ATP8A2: variants seen among roughly 807,000 people sequenced by gnomAD.
ATP8A2 encodes ATPase phospholipid transporting 8A2, also known as phospholipid-transporting ATPase IB.
ATP8A2 carries 100 observed loss-of-function variants against 165.6 expected under a neutral mutation model. That is an observed-to-expected ratio of 0.60 (90% CI 0.51 to 0.71). ATP8A2 has a LOEUF of 0.71. Among genes scored for constraint, ATP8A2 ranks in the 30% least tolerant of loss-of-function variants. The pLI, the probability that ATP8A2 is intolerant of heterozygous loss-of-function variation, is 0.00. For synonymous variants in ATP8A2, 543 were observed against 548.8 expected (o/e 0.99, Z 0.15); for missense variants, 1,227 against 1,479.5 (o/e 0.83, Z 2.80).
At chr13:25,605,902 A>G (rs61947468) in intron 24 of ATP8A2, among the ~76,000 whole-genome samples, 5,809 of 152,274 alleles carry the variant, frequency 0.038, 135 homozygotes, top group Non-Finnish European at 0.052. Flanking sequence ...GTCAAGAGAA[A>G]TATGCCTTCT....
intron 33 of ATP8A2, among the ~76,000 whole-genome samples, chr13:25,868,691 A>C (rs641730): frequency 2.0e-5 from 3 of 151,854 alleles, no homozygotes; most frequent in African/African-American, 7.3e-5. Flanking sequence ...TGCTGCACCT[A>C]TGACTGTTGT....
intron 3 of ATP8A2, among the ~76,000 whole-genome samples, 186 bp from the exon 4 acceptor site, chr13:25,530,376 G>T (rs1228515969): frequency 6.6e-6 from 1 of 152,152 alleles, no homozygotes; most frequent in Non-Finnish European, 1.5e-5. Flanking sequence ...CATAACCAAT[G>T]TTGGATAAAA....
intron 15 of ATP8A2, among the ~76,000 whole-genome samples, chr13:25,562,719 G>GT (rs1555298922): frequency 6.6e-6 from 1 of 152,070 alleles, no homozygotes; most frequent in Non-Finnish European, 1.5e-5. Context: ...TTGGGAGGAT[G>GT]CCTAACCTAT....
At chr13:25,961,311 T>C (rs1955653564) in intron 33 of ATP8A2, among the ~76,000 whole-genome samples, 1 of 152,140 alleles carries the variant, frequency 6.6e-6, no homozygotes, top group South Asian at 2.1e-4. Context: ...AACATCCTGT[T>C]CGGAAGGGGC....
At chr13:25,519,274 A>T (rs2037580961) in intron 2 of ATP8A2, among the ~76,000 whole-genome samples, 1 of 151,996 alleles carries the variant, frequency 6.6e-6, no homozygotes, top group South Asian at 2.1e-4. Context: ...GTTGAAAATA[A>T]TCCTCCTCCC....
chr13:25,793,492 G>A (rs1272806845), intron 27 of ATP8A2, among the ~76,000 whole-genome samples: 1 of 152,048 alleles, frequency 6.6e-6, no homozygotes, highest in Non-Finnish European at 1.5e-5. Flanking sequence ...TTAATGCCAT[G>A]GGTTGTCTAT....
intron 25 of ATP8A2, among the ~76,000 whole-genome samples, chr13:25,761,863 A>G (rs897246199): frequency 6.6e-6 from 1 of 151,996 alleles, no homozygotes; most frequent in African/African-American, 2.4e-5. Flanking sequence ...TAGTTGAAGC[A>G]TTATGATCTA....
chr13:25,768,933 A>T, intron 25 of ATP8A2, 113 bp from the exon 26 acceptor site: 1 of 1,005,816 alleles, frequency 9.9e-7, no homozygotes, highest in Non-Finnish European at 1.5e-6. Context: ...AAATGGATGT[A>T]TTGAATTTGG....
At chr13:25,412,389 T>C (rs1156907584) in intron 1 of ATP8A2, among the ~76,000 whole-genome samples, 1 of 152,178 alleles carries the variant, frequency 6.6e-6, no homozygotes, top group African/African-American at 2.4e-5. Flanking sequence ...CTAAAGGGAT[T>C]TATCTTCCAA....
intron 22 of ATP8A2, among the ~76,000 whole-genome samples, chr13:25,580,304 C>G (rs1566295344): frequency 1.3e-5 from 2 of 152,240 alleles, no homozygotes; most frequent in South Asian, 2.1e-4. Flanking sequence ...GTTGTACATG[C>G]TAAGCTTTCT....
In ATP8A2 at chr13:25,543,042, T is replaced by C. The variant is rs535347913; in HGVS notation, c.780-249T>C. On this transcript the variant is annotated intron_variant, in intron 9 of 36. Transcript: ENST00000381655. ...TTTCATAACAGGATCATGAGAGATA[T>C]AATTACCTGCAACATTTTATAGAAA... Among the ~76,000 whole-genome samples the C allele has an allele frequency of 1.8e-4, 27 of 152,316 alleles. No individual in the cohort carries two copies. The South Asian group carries it at 5.4e-3, about 30-fold the overall frequency.
intron 4 of ATP8A2, among the ~76,000 whole-genome samples, chr13:25,531,217 A>G (rs1322024326): frequency 7.3e-6 from 1 of 136,462 alleles, no homozygotes; most frequent in Non-Finnish European, 1.5e-5. Context: ...TATGTTATAT[A>G]TGATATATGT....
intron 1 of ATP8A2, among the ~76,000 whole-genome samples, chr13:25,465,726 T>TCC (rs1491554652): frequency 6.9e-5 from 5 of 72,190 alleles, no homozygotes; most frequent in Non-Finnish European, 9.9e-5. Flanking sequence ...TTTCTTTCTT[T>TCC]CTTTCTTTCT....
Position 25,563,916 on chromosome 13 carries a change from A to G in ATP8A2, c.1398-40A>G, listed in dbSNP as rs926356940. 2.0e-6 allele frequency: 3 copies of G among 1,482,932 alleles called. No individual in the cohort carries two copies. In the African/African-American group the frequency reaches 4.2e-5, roughly 21 times the overall value. 91.9% of individuals were successfully genotyped at this position (1,482,932 alleles called of 1,614,324 possible). The stretch of plus-strand genomic sequence containing the variant: ...CCAGGTTTGGGTTAGCTTAACAGAA[A>G]CTTTTAAATTGAATAAATTTTCTCT... On this transcript the variant is annotated intron_variant, in intron 15 of 36. Coordinates refer to ENST00000381655, the MANE Select transcript of ATP8A2 (RefSeq NM_016529.6).
At chr13:25,742,282 C>A (rs115813827) in intron 25 of ATP8A2, among the ~76,000 whole-genome samples, 170 of 152,054 alleles carry the variant, frequency 1.1e-3, no homozygotes, top group African/African-American at 4.0e-3. Context: ...GGGCCACTGT[C>A]GTATATGCAA....
At chr13:25,968,797 C>T in intron 35 of ATP8A2, 118 bp downstream of exon 35, 3 of 771,134 alleles carry the variant, frequency 3.9e-6, no homozygotes, top group Non-Finnish European at 4.2e-6. Context: ...TATGCTCAGG[C>T]TTAAGAATTT....
intron 1 of ATP8A2, among the ~76,000 whole-genome samples, chr13:25,389,717 C>A (rs1032335585): frequency 6.6e-6 from 1 of 152,158 alleles, no homozygotes. Flanking sequence ...AGTCAGTGAC[C>A]TGGATTCATA....
rs1477204835 is a variant in ATP8A2 at position 25,991,933 on chromosome 13, C to T, written c.3378-20598C>T. 6.0e-4 allele frequency among the ~76,000 whole-genome samples: 78 copies of T among 129,840 alleles called. 1 individual carries two copies. Among genetic ancestry groups the T allele is most frequent in the African/African-American group, 2.2e-3 (76 of 34,618 alleles). 85.2% of individuals were successfully genotyped at this position (129,840 alleles called of 152,430 possible). On this transcript the variant is annotated intron_variant, in intron 35 of 36. Coordinates refer to ENST00000381655, the MANE Select transcript of ATP8A2 (RefSeq NM_016529.6). ...TAGGTTTTTTTTTTTTTTTCAATAA[C>T]AACCATGTATTTAGCTCATGATTCT...
chr13:25,807,471 C>T (rs1950767733), intron 27 of ATP8A2, among the ~76,000 whole-genome samples: 1 of 152,154 alleles, frequency 6.6e-6, no homozygotes, highest in African/African-American at 2.4e-5. Context: ...GTCTTGGTAA[C>T]TTGTTGAAAA....
Sources: allele counts gnomAD v4.1 joint callset (sites outside exome capture counted in the v4.1 genomes callset), GRCh38; gene constraint gnomAD v4.1.1; transcripts MANE v1.5; gene names NCBI Gene and HGNC (gene_info 2026-07-23, HGNC 2026-07-21).